Variants in TMEM132B observed in about 807,000 individuals in gnomAD.
TMEM132B encodes the protein transmembrane protein 132B.
In TMEM132B, 18 loss-of-function variants were observed where a neutral mutation model predicts 90.8. The observed-to-expected ratio is 0.20, with a 90% CI of 0.14 to 0.29. The LOEUF (loss-of-function observed/expected upper bound fraction) is 0.29, where lower values mean the gene tolerates loss of function less well. Among genes scored for constraint, TMEM132B ranks in the 10% least tolerant of loss-of-function variants. The probability of loss-of-function intolerance (pLI) is 1.00; values close to 1 mark genes in which losing one functional copy is unlikely to be tolerated. For synonymous variants in TMEM132B, 504 were observed against 523.3 expected (o/e 0.96, Z 0.50); for missense variants, 1,096 against 1,326.8 (o/e 0.83, Z 2.70).
chr12:125,527,552 C>T lies in TMEM132B; in HGVS notation c.1293+7927C>T, dbSNP rs1381803607. Among the ~76,000 whole-genome samples, 4 of 141,866 alleles carry T rather than the reference C, an allele frequency of 2.8e-5. No individual in the cohort carries two copies. In the East Asian group the frequency reaches 8.2e-4, roughly 29 times the overall value. 93.1% of individuals were successfully genotyped at this position (141,866 alleles called of 152,430 possible). A position where few individuals can be genotyped will look rare whatever the true frequency, so the allele number is the denominator to read the frequency against. On this transcript the variant is annotated intron_variant, in intron 4 of 8. Transcript: ENST00000682704. ...TCCACCCTTCCAACCACCCATCCAC[C>T]CTTCCATCCACCCATCCACCCTTCC...
chr12:125,307,839 T>A (rs377760019), intron 1 of TMEM132B, among the ~76,000 whole-genome samples: 2 of 986 alleles, frequency 2.0e-3, no homozygotes, highest in African/African-American at 4.7e-3. Context: ...TATACTTATA[T>A]TAATATATAC....
intron 1 of TMEM132B, among the ~76,000 whole-genome samples, chr12:125,282,059 A>AAG (rs1365887176): frequency 6.0e-4 from 19 of 31,632 alleles, no homozygotes; most frequent in South Asian, 3.2e-3. Context: ...AAAAAAAAAA[A>AAG]AGAGAGACTT....
chr12:125,261,529 A>T (rs537610799), intron 1 of TMEM132B, among the ~76,000 whole-genome samples: 1 of 152,222 alleles, frequency 6.6e-6, no homozygotes, highest in African/African-American at 2.4e-5. Flanking sequence ...CATGTATACC[A>T]TGACCATATT....
At chr12:125,283,036 T>C (rs1337851007) in intron 1 of TMEM132B, among the ~76,000 whole-genome samples, 1 of 152,172 alleles carries the variant, frequency 6.6e-6, no homozygotes. Context: ...CCAAAGATCA[T>C]GGGAACCGCA....
chr12:125,250,219 A>G (rs1314240595), intron 1 of TMEM132B, among the ~76,000 whole-genome samples: 3 of 152,230 alleles, frequency 2.0e-5, no homozygotes, highest in Non-Finnish European at 2.9e-5. Flanking sequence ...CAGGTGGGAA[A>G]ATGTGAGTGC....
At chr12:125,559,896 T>C (rs1336723520) in intron 4 of TMEM132B, among the ~76,000 whole-genome samples, 1 of 152,094 alleles carries the variant, frequency 6.6e-6, no homozygotes, top group Non-Finnish European at 1.5e-5. Flanking sequence ...ACCTGGAAAT[T>C]AGATGAGACA....
At position 125,565,883 on chromosome 12, in the gene TMEM132B, G is replaced by T. The variant is rs536690255; in HGVS notation, c.1294-17968G>T. ...AAAAGGAATGCCTGTTCTTATTTAG[G>T]GCTGTGTGTTTCCAGGCTTGAGGGT... is the stretch of plus-strand genomic sequence containing the variant. On this transcript the variant is annotated intron_variant, in intron 4 of 8. Transcript: ENST00000682704. 2.0e-5 allele frequency among the ~76,000 whole-genome samples: 3 copies of T among 152,256 alleles called. No homozygotes were observed. The South Asian group carries it at 6.2e-4, about 32-fold the overall frequency.
At chr12:125,427,044 C>T (rs1321159211) in intron 3 of TMEM132B, among the ~76,000 whole-genome samples, 1 of 152,154 alleles carries the variant, frequency 6.6e-6, no homozygotes, top group Non-Finnish European at 1.5e-5. Context: ...GGAAGGTGAC[C>T]TATTAAACCA....
chr12:125,358,364 A>G (rs1166005566), intron 2 of TMEM132B, among the ~76,000 whole-genome samples: 3 of 149,132 alleles, frequency 2.0e-5, no homozygotes, highest in Non-Finnish European at 4.4e-5. Context: ...CACAATACAA[A>G]TATCAAAACT....
rs1422891702 is a variant in TMEM132B, at chr12:125,213,869, C to G, written c.67+27003C>G. ...AAAAATGGCAGATGCTAGGTTGCCACCAAATCTGTCTTTAGGATAACTCAT... is the reference window on the plus strand; with the variant it reads ...AAAAATGGCAGATGCTAGGTTGCCAGCAAATCTGTCTTTAGGATAACTCAT... On this transcript the variant is annotated intron_variant, in intron 1 of 8. Coordinates refer to ENST00000682704, the MANE Select transcript of TMEM132B (RefSeq NM_001366854.1). The surrounding 1 kb of genome is among the most constrained non-coding windows in gnomAD (Gnocchi z 4.2). 6.6e-6 allele frequency among the ~76,000 whole-genome samples: 1 copy of G among 152,216 alleles called. No individual in the cohort carries two copies. The highest frequency in any genetic ancestry group is 2.4e-5 in the African/African-American group (1 of 41,448).
rs116571859 is a variant in TMEM132B, at chr12:125,452,738, C to T, written c.1106+37061C>T. 5.2e-3 allele frequency among the ~76,000 whole-genome samples: 796 copies of T among 152,184 alleles called. 6 individuals carry two copies. The highest frequency in any genetic ancestry group is 0.018 in the African/African-American group (766 of 41,526). ...TTTGGTGACTGACAACAACATTGAA[C>T]ATCTTTTCATATGTTTATTGGCCAT... On this transcript the variant is annotated intron_variant, in intron 3 of 8. Transcript: ENST00000682704.
rs1338725543 is a variant in TMEM132B at position 125,656,275 on chromosome 12, A to G, written c.*1565A>G. 6.6e-6 allele frequency: 1 copy of G among 152,162 alleles called. No homozygotes were observed. The highest frequency in any genetic ancestry group is 2.4e-5 in the African/African-American group (1 of 41,434). 9.4% of individuals were successfully genotyped at this position (152,162 alleles called of 1,614,324 possible). On this transcript the variant is annotated 3_prime_UTR_variant, in exon 9 of 9. Coordinates refer to ENST00000682704, the MANE Select transcript of TMEM132B (RefSeq NM_001366854.1). ...TAAGAAATATGATTTTAAAGGCCCA[A>G]AGTAGGAAGGATCTGCAGGGGGTCA...
chr12:125,426,630 T>A (rs1172923302), intron 3 of TMEM132B, among the ~76,000 whole-genome samples: 1 of 152,254 alleles, frequency 6.6e-6, no homozygotes, highest in African/African-American at 2.4e-5. Flanking sequence ...ATTCCTGGAA[T>A]GTCTGTGTGG....
At chr12:125,254,507 A>G (rs1008069159) in intron 1 of TMEM132B, among the ~76,000 whole-genome samples, 1 of 135,922 alleles carries the variant, frequency 7.4e-6, no homozygotes, top group Non-Finnish European at 1.6e-5. Flanking sequence ...TCCATTAACC[A>G]AGAGAGCCAC....
intron 2 of TMEM132B, among the ~76,000 whole-genome samples, chr12:125,397,396 C>T (rs577409169): frequency 2.0e-5 from 3 of 152,290 alleles, no homozygotes; most frequent in South Asian, 4.1e-4. Context: ...ATATTTGAAT[C>T]CCAAAGCCCT....
chr12:125,354,971 G>A (rs1208532280), intron 2 of TMEM132B, among the ~76,000 whole-genome samples: 5 of 151,990 alleles, frequency 3.3e-5, no homozygotes, highest in East Asian at 1.9e-4. Context: ...AGAGGTGAGC[G>A]GTTACCTGTC....
At chr12:125,219,887 C>CGGCCCCCTTTGCTGAGG (rs1873521129) in intron 1 of TMEM132B, among the ~76,000 whole-genome samples, 2 of 152,358 alleles carry the variant, frequency 1.3e-5, no homozygotes, top group East Asian at 3.9e-4. Context: ...CTTCCCCTGA[C>CGGCCCCCTTTGCTGAGG]GGCCCCCTTT....
intron 1 of TMEM132B, among the ~76,000 whole-genome samples, chr12:125,265,586 G>A (rs1874672497): frequency 1.3e-5 from 2 of 152,164 alleles, no homozygotes; most frequent in South Asian, 4.1e-4. Flanking sequence ...CATCACAAGT[G>A]TACAGCCTGA....
At position 125,581,604 on chromosome 12, in the gene TMEM132B, G is replaced by A. The variant is rs1482598419; in HGVS notation, c.1294-2247G>A. ...CACATTCACTGATGGCAGGAATCGGGTGATACAGAGAGAAAAAAAATGAAA... is the reference window on the plus strand; with the variant it reads ...CACATTCACTGATGGCAGGAATCGGATGATACAGAGAGAAAAAAAATGAAA... On this transcript the variant is annotated intron_variant, in intron 4 of 8. Coordinates refer to ENST00000682704, the MANE Select transcript of TMEM132B (RefSeq NM_001366854.1). Among the ~76,000 whole-genome samples, 4 of 152,222 alleles carry A rather than the reference G, an allele frequency of 2.6e-5. No homozygotes were observed. In the East Asian group the frequency reaches 7.7e-4, roughly 29 times the overall value.
Sources: allele counts gnomAD v4.1 joint callset (sites outside exome capture counted in the v4.1 genomes callset), GRCh38; gene constraint gnomAD v4.1.1; non-coding constraint Gnocchi (gnomAD v3.1); transcripts MANE v1.5; gene names NCBI Gene and HGNC (gene_info 2026-07-23, HGNC 2026-07-21).